The following BAIAP2 variants were observed in gnomAD, a reference collection of about 807,000 sequenced individuals.
The protein encoded by BAIAP2 is BAR/IMD domain-containing adapter protein 2.
In BAIAP2, 18 loss-of-function variants were observed where a neutral mutation model predicts 63.0. The ratio of observed to expected loss-of-function variants is 0.29; its 90% CI spans 0.20 to 0.42. The LOEUF (loss-of-function observed/expected upper bound fraction) is 0.42. Among genes scored for constraint, BAIAP2 ranks in the 10% least tolerant of loss-of-function variants. The pLI is 1.00. For missense variants in BAIAP2, 610 were observed against 734.3 expected (o/e 0.83, Z 1.96); for synonymous variants, 386 against 307.6 (o/e 1.25, Z -2.67).
At chr17:81,076,395 C>A (rs957814927) in intron 3 of BAIAP2, 4 of 152,192 alleles carry the variant, frequency 2.6e-5, no homozygotes, top group East Asian at 1.9e-4. Context: ...GTTCTGACCT[C>A]CCAAAAGGTC....
At chr17:81,109,352 T>A in intron 13 of BAIAP2, 1 of 1,053,984 alleles carries the variant, frequency 9.5e-7, no homozygotes, top group Non-Finnish European at 1.1e-6. Context: ...GGTCTAAAGT[T>A]TGAAGAAAAA....
intron 3 of BAIAP2, among the ~76,000 whole-genome samples, chr17:81,075,998 C>G (rs192898357): frequency 1.8e-3 from 269 of 151,912 alleles, no homozygotes; most frequent in Non-Finnish European, 2.5e-3. Context: ...GCAGAAGTGC[C>G]TGCACCCGGG....
intron 6 of BAIAP2, among the ~76,000 whole-genome samples, chr17:81,090,083 G>A (rs1254666147): frequency 6.6e-6 from 1 of 151,940 alleles, no homozygotes; most frequent in East Asian, 1.9e-4. Flanking sequence ...CACTCACCAG[G>A]GGACCTGTGG....
intron 10 of BAIAP2, 121 bp downstream of exon 10, chr17:81,104,836 G>T: frequency 2.8e-6 from 3 of 1,072,142 alleles, no homozygotes; most frequent in Non-Finnish European, 4.0e-6. Context: ...GCGGGTCCTC[G>T]CCGTAGAAGA....
chr17:81,070,652 G>GA (rs951743584), intron 3 of BAIAP2, among the ~76,000 whole-genome samples: 1 of 152,200 alleles, frequency 6.6e-6, no homozygotes, highest in Non-Finnish European at 1.5e-5. Context: ...CCCGTGGGGA[G>GA]AAGGTGTCGG....
intron 1 of BAIAP2, among the ~76,000 whole-genome samples, chr17:81,039,314 T>C (rs2046765020): frequency 6.6e-6 from 1 of 152,218 alleles, no homozygotes; most frequent in Admixed American, 6.5e-5. Context: ...GGTTGTTGGC[T>C]CCAGGGTGTA....
At chr17:81,083,394 G>C (rs1222734103) in intron 3 of BAIAP2, 2 of 152,248 alleles carry the variant, frequency 1.3e-5, no homozygotes, top group Non-Finnish European at 2.9e-5. Context: ...CTCTGTTTGT[G>C]TCCGCAGCAC....
Position 81,109,498 on chromosome 17 carries a change from G to A in BAIAP2, c.1535+989G>A, listed in dbSNP as rs544430479. ...CTGTTATCTCGCATCCGACTTCCCC[G>A]GTGCGATGGCCTCTGTCCGGACAGG... On this transcript the variant is annotated intron_variant, in intron 13 of 13. Transcript: ENST00000428708. 22 of 985,468 alleles carry A rather than the reference G, an allele frequency of 2.2e-5. No individual in the cohort carries two copies. The East Asian group carries it at 9.1e-4, about 41-fold the overall frequency. The allele number at this position is 985,468 out of a possible 1,614,324, so 61.0% of individuals were successfully genotyped here.
intron 3 of BAIAP2, among the ~76,000 whole-genome samples, chr17:81,062,917 C>T (rs1182443310): frequency 6.8e-6 from 1 of 147,722 alleles, no homozygotes; most frequent in South Asian, 2.2e-4. Context: ...TTACTTCCCC[C>T]CCGCCCCCCC....
intron 9 of BAIAP2, 36 bp from the exon 10 acceptor site, chr17:81,104,478 A>G: frequency 6.4e-7 from 1 of 1,553,528 alleles, no homozygotes; most frequent in Non-Finnish European, 8.7e-7. Flanking sequence ...CCCGCCAGCC[A>G]GGGGCAGTCC....
rs2049809113 is a variant in BAIAP2 at position 81,057,598 on chromosome 17, A to G, written c.131-283A>G. The G allele has an allele frequency of 2.7e-6, 3 of 1,114,542 alleles. No individual in the cohort carries two copies. The East Asian group carries it at 1.5e-4, about 55-fold the overall frequency. The allele number at this position is 1,114,542 out of a possible 1,614,324, so 69.0% of individuals were successfully genotyped here. A position where few individuals can be genotyped will look rare whatever the true frequency, so the allele number is the denominator to read the frequency against. On this transcript the variant is annotated intron_variant, in intron 2 of 13. Coordinates refer to ENST00000428708, the MANE Select transcript of BAIAP2 (RefSeq NM_001144888.2). ...CCCCGGCCCTGCCTGGTAGCACGTG[A>G]TAGGGATCAGCTCTCTGCAATTTGA... is the stretch of plus-strand genomic sequence containing the variant.
chr17:81,078,533 A>G (rs1389145979), intron 3 of BAIAP2, among the ~76,000 whole-genome samples: 38 of 93,636 alleles, frequency 4.1e-4, no homozygotes, highest in Admixed American at 1.4e-3. Flanking sequence ...CGGGTGCCGT[A>G]TTGGGTGGGA....
intron 1 of BAIAP2, among the ~76,000 whole-genome samples, chr17:81,044,563 G>T (rs2047535048): frequency 6.6e-6 from 1 of 152,202 alleles, no homozygotes; most frequent in Admixed American, 6.5e-5. Context: ...CGATGCCGGG[G>T]CTTAGAACTT....
chr17:81,069,328 G>A (rs892325154), intron 3 of BAIAP2, among the ~76,000 whole-genome samples: 3 of 152,330 alleles, frequency 2.0e-5, no homozygotes, highest in Admixed American at 6.5e-5. Flanking sequence ...GAGCACGCAC[G>A]CGGGCACAGA....
chr17:81,098,473 G>A (rs919461959), intron 6 of BAIAP2, among the ~76,000 whole-genome samples: 3 of 151,942 alleles, frequency 2.0e-5, no homozygotes, highest in Non-Finnish European at 4.4e-5. Context: ...AGTTGACCAC[G>A]GTAACCATCT....
chr17:81,052,757 C>T (rs2048870309), intron 1 of BAIAP2, among the ~76,000 whole-genome samples: 1 of 152,058 alleles, frequency 6.6e-6, no homozygotes, highest in African/African-American at 2.4e-5. Flanking sequence ...CTTCCCTCCC[C>T]ACTCTCTAGC....
chr17:81,065,939 G>A (rs1300591956), intron 3 of BAIAP2, among the ~76,000 whole-genome samples: 1 of 152,248 alleles, frequency 6.6e-6, no homozygotes, highest in Non-Finnish European at 1.5e-5. Context: ...AGTGAGGGGG[G>A]CTGTCATTGC....
In BAIAP2 at chr17:81,116,005, G is replaced by C; in HGVS notation, c.*166G>C. ...GACTGGATCCCAGCTGTTCTAGGCA[G>C]GGCCGGGCAGAGTGGGGCGCAGGCC... is the stretch of plus-strand genomic sequence containing the variant. On this transcript the variant is annotated 3_prime_UTR_variant, in exon 14 of 14. Coordinates refer to ENST00000428708, the MANE Select transcript of BAIAP2 (RefSeq NM_001144888.2). The C allele has an allele frequency of 4.8e-6, 7 of 1,469,316 alleles. No individual in the cohort carries two copies. The highest frequency in any genetic ancestry group is 6.3e-6 in the Non-Finnish European group (7 of 1,112,728). The allele number at this position is 1,469,316 out of a possible 1,614,324, so 91.0% of individuals were successfully genotyped here. A position where few individuals can be genotyped will look rare whatever the true frequency, so the allele number is the denominator to read the frequency against.
chr17:81,085,129 CT>C, intron 4 of BAIAP2: 1 of 582,166 alleles, frequency 1.7e-6, no homozygotes, highest in Non-Finnish European at 3.1e-6. Context: ...CCATGACACG[CT>C]GGGCTCCAGG....
Sources: allele counts gnomAD v4.1 joint callset (sites outside exome capture counted in the v4.1 genomes callset), GRCh38; gene constraint gnomAD v4.1.1; transcripts MANE v1.5; gene names NCBI Gene and HGNC (gene_info 2026-07-23, HGNC 2026-07-21).